Variants in TACR1 observed in about 807,000 individuals in gnomAD.
TACR1 encodes the protein tachykinin receptor 1.
TACR1 carries 25 observed loss-of-function variants against 35.8 expected under a neutral mutation model. The ratio of observed to expected loss-of-function variants is 0.70; its 90% CI spans 0.51 to 0.98. The LOEUF (loss-of-function observed/expected upper bound fraction) is 0.98, where lower values mean the gene tolerates loss of function less well. Among genes scored for constraint, TACR1 ranks in the 50% least tolerant of loss-of-function variants. TACR1 has a pLI of 0.00. For missense variants in TACR1, 478 were observed against 522.9 expected (o/e 0.91, Z 0.84); for synonymous variants, 195 against 206.7 (o/e 0.94, Z 0.48).
At chr2:75,062,172 C>G (rs1212046612) in intron 2 of TACR1, among the ~76,000 whole-genome samples, 1 of 152,082 alleles carries the variant, frequency 6.6e-6, no homozygotes, top group Non-Finnish European at 1.5e-5. Context: ...TGAATGAGAG[C>G]CTTCAGGCAA....
intron 2 of TACR1, among the ~76,000 whole-genome samples, chr2:75,113,339 G>C (rs1673786957): frequency 6.6e-6 from 1 of 152,058 alleles, no homozygotes; most frequent in Non-Finnish European, 1.5e-5. Flanking sequence ...CTTTCTCAAG[G>C]CTTCAAGGCT....
intron 2 of TACR1, among the ~76,000 whole-genome samples, chr2:75,080,510 C>T (rs1324069126): frequency 2.6e-5 from 4 of 152,138 alleles, no homozygotes; most frequent in African/African-American, 9.7e-5. Context: ...ACTTTGGAAA[C>T]ATATTGAATT....
At chr2:75,170,455 T>C (rs1675250255) in intron 1 of TACR1, among the ~76,000 whole-genome samples, 3 of 152,196 alleles carry the variant, frequency 2.0e-5, no homozygotes, top group African/African-American at 7.2e-5. Context: ...GAGAACAGAC[T>C]AATACAGTAA....
At chr2:75,137,108 C>T (rs999718919) in intron 1 of TACR1, among the ~76,000 whole-genome samples, 7 of 152,116 alleles carry the variant, frequency 4.6e-5, no homozygotes, top group Non-Finnish European at 1.0e-4. Flanking sequence ...TCCTTGTATA[C>T]TCATGGTGCA....
chr2:75,191,980 G>A (rs1675858357), intron 1 of TACR1, among the ~76,000 whole-genome samples: 1 of 151,902 alleles, frequency 6.6e-6, no homozygotes, highest in Admixed American at 6.6e-5. Flanking sequence ...ACAGACAGTT[G>A]CAACACCACG....
chr2:75,173,414 C>G (rs1216792572), intron 1 of TACR1, among the ~76,000 whole-genome samples: 4 of 152,184 alleles, frequency 2.6e-5, no homozygotes, highest in African/African-American at 9.7e-5. Context: ...TTTACTGTAA[C>G]TATACTATAC....
In TACR1 at chr2:75,198,742, T is replaced by C. The variant is rs201437956; in HGVS notation, c.193A>G (p.Thr65Ala). 6 of 1,614,230 alleles carry C rather than the reference T, an allele frequency of 3.7e-6. No individual in the cohort carries two copies. Among genetic ancestry groups the C allele is most frequent in the Admixed American group, 1.7e-5 (1 of 60,032 alleles). The change falls in exon 1 of 5, where the codon ACA becomes GCA. Residue 65 changes from threonine to alanine, a missense_variant. Transcript: ENST00000305249. ...WIILAHKRMR[T>A]VTNYFLVNLA... is the part of the protein sequence containing the mutation. ...TTCACCAGAAAATAGTTCGTCACTG[T>C]CCTCATTCTTTTGTGGGCTAAGATG...
intron 1 of TACR1, among the ~76,000 whole-genome samples, chr2:75,131,257 T>C (rs1674171934): frequency 6.6e-6 from 1 of 151,960 alleles, no homozygotes; most frequent in South Asian, 2.1e-4. Context: ...CTTGGCTAAT[T>C]TTTTGTATTT....
At chr2:75,151,677 C>G (rs1674674232) in intron 1 of TACR1, among the ~76,000 whole-genome samples, 1 of 152,180 alleles carries the variant, frequency 6.6e-6, no homozygotes, top group Non-Finnish European at 1.5e-5. Flanking sequence ...ACACAGAGTT[C>G]CTACTGGGAC....
At chr2:75,082,697 G>T (rs910628211) in intron 2 of TACR1, among the ~76,000 whole-genome samples, 3 of 152,180 alleles carry the variant, frequency 2.0e-5, no homozygotes, top group African/African-American at 7.2e-5. Context: ...ATTTTTTCAT[G>T]TGTCTTTTGG....
At chr2:75,150,276 C>T (rs1016412334) in intron 1 of TACR1, among the ~76,000 whole-genome samples, 2 of 152,154 alleles carry the variant, frequency 1.3e-5, no homozygotes, top group Non-Finnish European at 1.5e-5. Context: ...AATTTAATTA[C>T]AATTTGGTGA....
chr2:75,134,777 G>T (rs1168547385), intron 1 of TACR1, among the ~76,000 whole-genome samples: 2 of 152,126 alleles, frequency 1.3e-5, no homozygotes, highest in African/African-American at 4.8e-5. Flanking sequence ...ACCTGACCAG[G>T]CACAAGAAAG....
At position 75,195,604 on chromosome 2, in the gene TACR1, T is replaced by C. The variant is rs143795323; in HGVS notation, c.389+2942A>G. ...AAAAATCCTTTAAAATGAGAAGATATAGCTTTTTAAAAATTCATTTTATTT... is the reference window on the plus strand; with the variant it reads ...AAAAATCCTTTAAAATGAGAAGATACAGCTTTTTAAAAATTCATTTTATTT... On this transcript the variant is annotated intron_variant, in intron 1 of 4. Coordinates refer to ENST00000305249, the MANE Select transcript of TACR1 (RefSeq NM_001058.4). Among the ~76,000 whole-genome samples the C allele has an allele frequency of 1.3e-3, 197 of 152,326 alleles. 1 individual carries two copies. Among genetic ancestry groups the C allele is most frequent in the African/African-American group, 4.5e-3 (186 of 41,568 alleles).
intron 1 of TACR1, among the ~76,000 whole-genome samples, chr2:75,155,306 C>T (rs569611406): frequency 2.0e-5 from 3 of 152,298 alleles, no homozygotes; most frequent in Non-Finnish European, 2.9e-5. Context: ...GCTCACTTAG[C>T]ATCATCTGGA....
intron 1 of TACR1, among the ~76,000 whole-genome samples, chr2:75,171,564 T>C (rs1675284257): frequency 6.6e-6 from 1 of 152,162 alleles, no homozygotes; most frequent in Non-Finnish European, 1.5e-5. Context: ...TTGCACTATG[T>C]GCCTGGAAAA....
rs200501533 is a variant in TACR1 at position 75,199,194 on chromosome 2, G to T, written c.-260C>A. 2.1e-6 allele frequency: 1 copy of T among 470,382 alleles called. No individual in the cohort carries two copies. The allele number at this position is 470,382 out of a possible 1,614,324, so 29.1% of individuals were successfully genotyped here. On this transcript the variant is annotated 5_prime_UTR_variant, in exon 1 of 5. Transcript: ENST00000305249. The stretch of plus-strand genomic sequence containing the variant: ...AGACGTTTGAGTTCAGAAGTCTGGA[G>T]ACAGCATCTCTCTTGCGGTAAACTG...
rs148446447 is a variant in TACR1, at chr2:75,175,317, A to G, written c.389+23229T>C. 5.3e-3 allele frequency among the ~76,000 whole-genome samples: 803 copies of G among 152,302 alleles called. 12 individuals carry two copies. Among genetic ancestry groups the G allele is most frequent in the African/African-American group, 0.018 (754 of 41,572 alleles). The stretch of plus-strand genomic sequence containing the variant: ...ATGATTTTTGAATGTCCCTCCAGAT[A>G]TTCATGCAGGTGAAAAATCTTATAA... On this transcript the variant is annotated intron_variant, in intron 1 of 4. Coordinates refer to ENST00000305249, the MANE Select transcript of TACR1 (RefSeq NM_001058.4).
intron 2 of TACR1, among the ~76,000 whole-genome samples, chr2:75,065,524 G>A (rs1672745972): frequency 6.6e-6 from 1 of 152,068 alleles, no homozygotes; most frequent in South Asian, 2.1e-4. Context: ...GCTGAGTATC[G>A]CATCGCCGCA....
chr2:75,180,056 G>A (rs182460519), intron 1 of TACR1, among the ~76,000 whole-genome samples: 1 of 152,158 alleles, frequency 6.6e-6, no homozygotes, highest in Admixed American at 6.5e-5. Context: ...TATTCTAGCT[G>A]TCCCTTCTAC....
Sources: gnomAD v4.1 joint callset for allele counts (sites outside exome capture counted in the v4.1 genomes callset) on GRCh38, gnomAD v4.1.1 for gene constraint, MANE v1.5 for transcripts, NCBI Gene and HGNC (gene_info 2026-07-23, HGNC 2026-07-21) for gene names.